DGKB: variants seen among roughly 807,000 people sequenced by gnomAD.
The protein encoded by DGKB is diacylglycerol kinase beta.
DGKB carries 67 observed loss-of-function variants against 114.3 expected under a neutral mutation model. The ratio of observed to expected loss-of-function variants is 0.59; its 90% CI spans 0.48 to 0.72. The LOEUF is 0.72. Among genes scored for constraint, DGKB ranks in the 30% least tolerant of loss-of-function variants. The pLI, the probability that DGKB is intolerant of heterozygous loss-of-function variation, is 0.00. For missense variants in DGKB, 907 were observed against 975.2 expected, an observed-to-expected ratio of 0.93 and a Z score of 0.93; for synonymous variants, 398 against 323.1, an observed-to-expected ratio of 1.23 and a Z score of -2.49.
intron 20 of DGKB, among the ~76,000 whole-genome samples, chr7:14,532,657 T>A (rs557890487): frequency 5.3e-5 from 8 of 151,356 alleles, no homozygotes; most frequent in Non-Finnish European, 1.2e-4. Flanking sequence ...GTGACAAAAT[T>A]GAAATGAAAA....
rs540201339 is a variant in DGKB at position 14,158,041 on chromosome 7, C to T, written c.2305-8803G>A. 2.6e-5 allele frequency among the ~76,000 whole-genome samples: 4 copies of T among 152,300 alleles called. 1 individual carries two copies. Among genetic ancestry groups the T allele is most frequent in the African/African-American group, 9.6e-5 (4 of 41,554 alleles). ...ATTTGTTTCCCAGATTAGTCACTGG[C>T]AGCTATAAAACCCTGACCAAAGAAT... is the stretch of plus-strand genomic sequence containing the variant. On this transcript the variant is annotated intron_variant, in intron 25 of 25. Coordinates refer to ENST00000402815, the MANE Select transcript of DGKB (RefSeq NM_001350709.2).
At chr7:14,715,383 G>A (rs960189440) in intron 6 of DGKB, among the ~76,000 whole-genome samples, 1 of 152,094 alleles carries the variant, frequency 6.6e-6, no homozygotes, top group Non-Finnish European at 1.5e-5. Flanking sequence ...AGAGGTTGTT[G>A]ACTTTCCCTA....
At chr7:14,798,083 G>A (rs184124581) in intron 2 of DGKB, among the ~76,000 whole-genome samples, 11 of 152,232 alleles carry the variant, frequency 7.2e-5, no homozygotes, top group African/African-American at 1.9e-4. Flanking sequence ...TTGGTCCATG[G>A]GTGGTCTTGG....
Position 14,825,044 on chromosome 7 carries a change from AT to A in DGKB, c.70+16149del, listed in dbSNP as rs1562637064. Reference sequence around the variant, plus strand: ...TATATATATATATATATATATATATATATATATATATATCACATGTACTAGG... The same window carrying A: ...TATATATATATATATATATATATATAATATATATATATCACATGTACTAGG... On this transcript the variant is annotated intron_variant, in intron 2 of 25. Coordinates refer to ENST00000402815, the MANE Select transcript of DGKB (RefSeq NM_001350709.2). Among the ~76,000 whole-genome samples the A allele has an allele frequency of 2.8e-5, 4 of 142,892 alleles. No individual in the cohort carries two copies. The East Asian group carries it at 6.1e-4, about 22-fold the overall frequency. The allele number at this position is 142,892 out of a possible 152,430, so 93.7% of individuals were successfully genotyped here.
chr7:14,316,769 C>T (rs1806625567), intron 23 of DGKB, among the ~76,000 whole-genome samples: 1 of 151,496 alleles, frequency 6.6e-6, no homozygotes, highest in Non-Finnish European at 1.5e-5. Context: ...AGGGAATCCT[C>T]CCTAACTCAT....
chr7:14,478,947 T>C (rs948328756), intron 20 of DGKB, among the ~76,000 whole-genome samples: 22 of 152,108 alleles, frequency 1.4e-4, no homozygotes, highest in Admixed American at 1.3e-3. Context: ...TTCCATGAGA[T>C]AGAAATCATA....
At chr7:14,696,319 C>T (rs183739831) in intron 8 of DGKB, among the ~76,000 whole-genome samples, 2 of 150,928 alleles carry the variant, frequency 1.3e-5, no homozygotes, top group East Asian at 2.0e-4. Flanking sequence ...CGGTGAAACC[C>T]CGTCTCTACT....
chr7:14,220,326 C>T (rs1265745364), intron 23 of DGKB, among the ~76,000 whole-genome samples: 1 of 151,556 alleles, frequency 6.6e-6, no homozygotes, highest in African/African-American at 2.4e-5. Flanking sequence ...AAGAGTCCAA[C>T]TGCATTCTTT....
At chr7:14,614,893 C>T (rs1300728887) in intron 15 of DGKB, among the ~76,000 whole-genome samples, 4 of 152,046 alleles carry the variant, frequency 2.6e-5, no homozygotes, top group African/African-American at 4.8e-5. Flanking sequence ...GCACTAACTT[C>T]CCAGGTCTCC....
chr7:14,250,132 A>ATT (rs57215648), intron 23 of DGKB, among the ~76,000 whole-genome samples: 8 of 135,576 alleles, frequency 5.9e-5, no homozygotes, highest in South Asian at 2.4e-4. Flanking sequence ...ATATATATAT[A>ATT]TTTTTTTTTT....
chr7:14,235,963 C>T (rs2128351744), intron 23 of DGKB, among the ~76,000 whole-genome samples: 1 of 152,058 alleles, frequency 6.6e-6, no homozygotes, highest in South Asian at 2.1e-4. Context: ...CACATGGATG[C>T]ACAAGACATA....
intron 23 of DGKB, among the ~76,000 whole-genome samples, chr7:14,325,203 G>C (rs529515050): frequency 8.3e-4 from 126 of 152,188 alleles, no homozygotes; most frequent in African/African-American, 2.9e-3. Context: ...ACCTCTAGAA[G>C]GAAATCAGAA....
intron 20 of DGKB, among the ~76,000 whole-genome samples, chr7:14,565,053 T>C (rs1479519103): frequency 6.6e-6 from 1 of 152,206 alleles, no homozygotes; most frequent in Non-Finnish European, 1.5e-5. Context: ...AAGAGGTAGA[T>C]TCTATATCTT....
rs1781570586 is a variant in DGKB at position 14,147,219 on chromosome 7, C to CCAAA, written c.*1908_*1911dup. On this transcript the variant is annotated 3_prime_UTR_variant, in exon 26 of 26. Transcript: ENST00000402815. ...TCTTTTGGTCTGGATTACTCTTCTG[C>CCAAA]CAAACAACTTTTTTATTTTATACCA... 1 of 152,016 alleles carries CCAAA rather than the reference C, an allele frequency of 6.6e-6. No individual in the cohort carries two copies. The highest frequency in any genetic ancestry group is 1.5e-5 in the Non-Finnish European group (1 of 67,970). 9.4% of individuals were successfully genotyped at this position (152,016 alleles called of 1,614,324 possible).
At chr7:14,872,181 C>T (rs986365931) in intron 1 of DGKB, among the ~76,000 whole-genome samples, 13 of 152,172 alleles carry the variant, frequency 8.5e-5, no homozygotes, top group Non-Finnish European at 1.8e-4. Context: ...TCATATTTCT[C>T]ATTGCGTAAA....
chr7:14,700,263 G>C (rs1250247768), intron 7 of DGKB, among the ~76,000 whole-genome samples: 1 of 150,202 alleles, frequency 6.7e-6, no homozygotes, highest in Non-Finnish European at 1.5e-5. Context: ...GCCCAGGCTG[G>C]AGTGCAGTGG....
At chr7:14,770,374 T>C (rs900395506) in intron 2 of DGKB, among the ~76,000 whole-genome samples, 4 of 152,058 alleles carry the variant, frequency 2.6e-5, no homozygotes, top group African/African-American at 9.7e-5. Flanking sequence ...TCCAGCAACA[T>C]CATCCATTGT....
chr7:14,938,482 T>C (rs1434876920), intron 1 of DGKB, among the ~76,000 whole-genome samples: 1 of 152,184 alleles, frequency 6.6e-6, no homozygotes, highest in African/African-American at 2.4e-5. Context: ...TATAAACAAA[T>C]CTGTAGAGAG....
intron 1 of DGKB, among the ~76,000 whole-genome samples, chr7:14,967,385 ATC>A (rs1399405052): frequency 6.6e-6 from 1 of 151,984 alleles, no homozygotes; most frequent in African/African-American, 2.4e-5. Flanking sequence ...CAATGGCACT[ATC>A]TCAGCTCACT....
Sources: gnomAD v4.1 joint callset for allele counts (sites outside exome capture counted in the v4.1 genomes callset) on GRCh38, gnomAD v4.1.1 for gene constraint, MANE v1.5 for transcripts, NCBI Gene and HGNC (gene_info 2026-07-23, HGNC 2026-07-21) for gene names.